RHPN2: variants seen among roughly 807,000 people sequenced by gnomAD.
The protein encoded by RHPN2 is rhophilin-2.
Under a neutral mutation model 79.0 loss-of-function variants are expected in RHPN2, and 40 were observed. That is an observed-to-expected ratio of 0.51 (90% CI 0.39 to 0.66). The LOEUF (loss-of-function observed/expected upper bound fraction) is 0.66. Ranked by LOEUF, RHPN2 falls within the 30% of genes least tolerant of loss-of-function variation. The pLI, the probability that RHPN2 is intolerant of heterozygous loss-of-function variation, is 0.00. For missense variants in RHPN2, 686 were observed against 883.5 expected (o/e 0.78, Z 2.83); for synonymous variants, 285 against 363.5 (o/e 0.78, Z 2.46).
intron 1 of RHPN2, among the ~76,000 whole-genome samples, chr19:33,044,676 T>G (rs1972127712): frequency 6.6e-6 from 1 of 152,160 alleles, no homozygotes; most frequent in African/African-American, 2.4e-5. Flanking sequence ...GTGGATCACC[T>G]GAAGTCAGGA....
At chr19:33,056,108 CT>C (rs1972230623) in intron 1 of RHPN2, among the ~76,000 whole-genome samples, 1 of 138,356 alleles carries the variant, frequency 7.2e-6, no homozygotes, top group Non-Finnish European at 1.6e-5. Context: ...TTTTTTTTTT[CT>C]TTTTTCCTTT....
At chr19:33,024,777 CTGTTT>C (rs2145248840) in intron 3 of RHPN2, among the ~76,000 whole-genome samples, 1 of 152,284 alleles carries the variant, frequency 6.6e-6, no homozygotes, top group African/African-American at 2.4e-5. Context: ...GCTTAGGGTT[CTGTTT>C]TGTTTTTGTG....
At position 33,057,428 on chromosome 19, in the gene RHPN2, G is replaced by A. The variant is rs186451539; in HGVS notation, c.69+7356C>T. 2.7e-3 allele frequency among the ~76,000 whole-genome samples: 414 copies of A among 152,206 alleles called. 4 individuals are homozygous for A. Among genetic ancestry groups the A allele is most frequent in the Non-Finnish European group, 3.5e-3 (237 of 68,008 alleles). ...CCTGAGGCTGGGCATGATGGCTCAC[G>A]CCTGTAATCCCAGCACTTTGGGAGG... On this transcript the variant is annotated intron_variant, in intron 1 of 14. Coordinates refer to ENST00000254260, the MANE Select transcript of RHPN2 (RefSeq NM_033103.5).
intron 7 of RHPN2, among the ~76,000 whole-genome samples, chr19:33,007,098 A>G (rs199974290): frequency 1.2e-4 from 18 of 150,754 alleles, no homozygotes; most frequent in African/African-American, 1.7e-4. Flanking sequence ...GAAGAAGGGA[A>G]CTGAGCTATG....
intron 1 of RHPN2, among the ~76,000 whole-genome samples, chr19:33,051,323 A>G (rs7256649): frequency 0.14 from 21,408 of 152,162 alleles, 1,931 homozygotes; most frequent in East Asian, 0.34. Flanking sequence ...GGTCACTTAC[A>G]TGCCCTTAAT....
At chr19:33,029,736 A>AGC (rs1174696895) in intron 2 of RHPN2, among the ~76,000 whole-genome samples, 1 of 152,122 alleles carries the variant, frequency 6.6e-6, no homozygotes, top group Non-Finnish European at 1.5e-5. Flanking sequence ...ATCTAGGAGG[A>AGC]CTTGCAAAAG....
Position 32,996,205 on chromosome 19 carries a change from C to A in RHPN2, c.1241G>T (p.Arg414Leu). 6.2e-7 allele frequency: 1 copy of A among 1,614,114 alleles called. No individual in the cohort carries two copies. Among genetic ancestry groups the A allele is most frequent in the South Asian group, 1.1e-5 (1 of 91,090 alleles). ...CTCCTCGTGATGAGCCATGGCTCTG[C>A]GCAAGTGGGACTTCCCTGCAGACGG... ...QRRQLGKSHL[R>L]RAMAHHEESV... Residue 414 changes from arginine to leucine, a missense_variant, in exon 11 of 15, where the codon CGC (arginine) becomes CTC (leucine). Coordinates refer to ENST00000254260, the MANE Select transcript of RHPN2 (RefSeq NM_033103.5).
chr19:33,019,796 C>T (rs1309747047), intron 4 of RHPN2, among the ~76,000 whole-genome samples: 2 of 151,678 alleles, frequency 1.3e-5, no homozygotes, highest in African/African-American at 2.4e-5. Context: ...AAAAAAAGAA[C>T]GTAAAATATT....
chr19:33,029,951 G>A lies in RHPN2; in HGVS notation c.186-3319C>T, dbSNP rs544987421. ...TCTACCAGGGAAGCTCAGAGACTCC[G>A]TGTCCAGGGTTTTTACTGGGGGCTG... On this transcript the variant is annotated intron_variant, in intron 2 of 14. Coordinates refer to ENST00000254260, the MANE Select transcript of RHPN2 (RefSeq NM_033103.5). Among the ~76,000 whole-genome samples, 5 of 152,306 alleles carry A rather than the reference G, an allele frequency of 3.3e-5. No individual in the cohort carries two copies. In the East Asian group the frequency reaches 7.7e-4, roughly 24 times the overall value.
intron 2 of RHPN2, among the ~76,000 whole-genome samples, chr19:33,038,124 C>A (rs938411077): frequency 2.0e-5 from 3 of 151,854 alleles, no homozygotes; most frequent in African/African-American, 7.3e-5. Context: ...GCCGAGTGGG[C>A]GGATCACTTG....
intron 14 of RHPN2, 124 bp downstream of exon 14, chr19:32,990,390 C>A: frequency 9.9e-7 from 1 of 1,010,004 alleles, no homozygotes; most frequent in Admixed American, 1.8e-5. Flanking sequence ...GCCTGGGAGT[C>A]CAGTCATTTG....
intron 14 of RHPN2, among the ~76,000 whole-genome samples, chr19:32,982,840 C>T (rs780295331): frequency 3.9e-5 from 6 of 152,082 alleles, no homozygotes; most frequent in Admixed American, 1.3e-4. Context: ...CTAATAGGCA[C>T]CCATTTCCTG....
intron 4 of RHPN2, among the ~76,000 whole-genome samples, chr19:33,021,279 G>A (rs1971921655): frequency 6.6e-6 from 1 of 152,196 alleles, no homozygotes. Context: ...GGGCCTCAGG[G>A]TCACTCTGTA....
At chr19:32,981,683 C>CT (rs895379792) in intron 14 of RHPN2, among the ~76,000 whole-genome samples, 1 of 130,480 alleles carries the variant, frequency 7.7e-6, no homozygotes, top group Non-Finnish European at 1.7e-5. Context: ...ACCTGATTTT[C>CT]TTTTTTTCTT....
chr19:32,990,168 C>T (rs12461846), intron 14 of RHPN2, among the ~76,000 whole-genome samples: 1 of 150,082 alleles, frequency 6.7e-6, no homozygotes, highest in East Asian at 2.0e-4. Context: ...AAAGAAAGAG[C>T]GAGCCAGGGG....
rs944127118 is a variant in RHPN2 at position 33,000,285 on chromosome 19, A to T, written c.1106-580T>A. Among the ~76,000 whole-genome samples the T allele has an allele frequency of 2.0e-5, 3 of 146,934 alleles. No homozygotes were observed. In the East Asian group the frequency reaches 6.0e-4, roughly 30 times the overall value. ...ACCCAGGCTTGGGTGCAGTGGTGTGATCTTGGCTCACTGCAACCTCCACCT... is the reference window on the plus strand; with the variant it reads ...ACCCAGGCTTGGGTGCAGTGGTGTGTTCTTGGCTCACTGCAACCTCCACCT... On this transcript the variant is annotated intron_variant, in intron 9 of 14. Coordinates refer to ENST00000254260, the MANE Select transcript of RHPN2 (RefSeq NM_033103.5).
intron 4 of RHPN2, among the ~76,000 whole-genome samples, chr19:33,017,724 A>AAG (rs1359747925): frequency 7.3e-6 from 1 of 137,320 alleles, no homozygotes; most frequent in Admixed American, 7.7e-5. Context: ...AAAAAAAAAA[A>AAG]AGAGAGAGAG....
chr19:33,001,413 G>A (rs1283391787), intron 9 of RHPN2, among the ~76,000 whole-genome samples: 4 of 152,076 alleles, frequency 2.6e-5, no homozygotes, highest in Admixed American at 1.3e-4. Flanking sequence ...GTAGTGGCAT[G>A]TGCCTGTATT....
chr19:33,041,951 G>A (rs1972103753), intron 2 of RHPN2, among the ~76,000 whole-genome samples: 1 of 152,176 alleles, frequency 6.6e-6, no homozygotes, highest in African/African-American at 2.4e-5. Flanking sequence ...GGGAGGCTGA[G>A]GCAGGAGGAT....
Sources: gnomAD v4.1 joint callset for allele counts (sites outside exome capture counted in the v4.1 genomes callset) on GRCh38, gnomAD v4.1.1 for gene constraint, MANE v1.5 for transcripts, NCBI Gene and HGNC (gene_info 2026-07-23, HGNC 2026-07-21) for gene names.